Variants in CEP68 observed in about 807,000 individuals in gnomAD.
CEP68 encodes the protein centrosomal protein of 68 kDa.
In CEP68, 26 loss-of-function variants were observed where a neutral mutation model predicts 55.3. That is an observed-to-expected ratio of 0.47 (90% confidence interval 0.34 to 0.65). CEP68 has a LOEUF of 0.65. Ranked by LOEUF, CEP68 falls within the 30% of genes least tolerant of loss-of-function variation. CEP68 has a pLI of 0.01. For synonymous variants in CEP68, 402 were observed against 383.2 expected, an observed-to-expected ratio of 1.05 and a Z score of -0.57; for missense variants, 957 against 946.7, an observed-to-expected ratio of 1.01 and a Z score of -0.14.
intron 1 of CEP68, among the ~76,000 whole-genome samples, chr2:65,068,915 C>T (rs1458002700): frequency 1.3e-5 from 2 of 152,182 alleles, no homozygotes; most frequent in African/African-American, 4.8e-5. Context: ...TCTTCCAGTG[C>T]CCAGCTGAGG....
intron 1 of CEP68, among the ~76,000 whole-genome samples, chr2:65,063,271 G>A (rs1558554969): frequency 6.6e-6 from 1 of 152,210 alleles, no homozygotes; most frequent in Admixed American, 6.5e-5. Context: ...CTTGTCTCTT[G>A]GTTTGACAAA....
Position 65,071,997 on chromosome 2 carries a change from G to T in CEP68, c.901G>T (p.Asp301Tyr), listed in dbSNP as rs775098664. 2.5e-6 allele frequency: 4 copies of T among 1,613,022 alleles called. No homozygotes were observed. The highest frequency in any genetic ancestry group is 1.6e-4 in the Middle Eastern group (1 of 6,062). Residue 301 changes from aspartate to tyrosine, a missense_variant, in exon 3 of 7, where the codon GAT (aspartate) becomes TAT (tyrosine). Physicochemically the swap from Asp to Tyr is radical, Grantham distance 160. Transcript: ENST00000377990. Reference protein sequence around the residue: ...PLWNPNKEYEDLLDYTYPLRP... With the variant: ...PLWNPNKEYEYLLDYTYPLRP... ...CTGGAACCCAAATAAAGAGTATGAA[G>T]ATCTGCTTGACTATACTTACCCACT...
At chr2:65,081,871 AT>A in intron 5 of CEP68, among the ~76,000 whole-genome samples, 1 of 152,190 alleles carries the variant, frequency 6.6e-6, no homozygotes, top group South Asian at 2.1e-4. Context: ...ATTTTTTTAT[AT>A]TTTTAGTAGA....
At chr2:65,081,325 G>A (rs891920758) in intron 5 of CEP68, among the ~76,000 whole-genome samples, 4 of 152,124 alleles carry the variant, frequency 2.6e-5, no homozygotes, top group African/African-American at 7.2e-5. Context: ...CTCTCTTTGT[G>A]GACAGCACTT....
chr2:65,056,706 C>T (rs1675612936), intron 1 of CEP68, among the ~76,000 whole-genome samples, 178 bp downstream of exon 1: 1 of 152,048 alleles, frequency 6.6e-6, no homozygotes, highest in Admixed American at 6.5e-5. Flanking sequence ...GGCACAAAGG[C>T]TCCCTGGGGG....
chr2:65,062,393 G>A (rs1453400156), intron 1 of CEP68, among the ~76,000 whole-genome samples: 2 of 152,084 alleles, frequency 1.3e-5, no homozygotes, highest in African/African-American at 4.8e-5. Flanking sequence ...AATTAGCGGG[G>A]ATGGTGGCAC....
intron 1 of CEP68, among the ~76,000 whole-genome samples, chr2:65,063,235 C>T (rs1040226580): frequency 4.6e-5 from 7 of 152,116 alleles, no homozygotes; most frequent in African/African-American, 1.2e-4. Flanking sequence ...CCAGATGGTC[C>T]CTAGAATATC....
Position 65,072,414 on chromosome 2 carries a change from A to G in CEP68, c.1318A>G (p.Thr440Ala), listed in dbSNP as rs1014021266. The G allele has an allele frequency of 6.2e-7, 1 of 1,614,042 alleles. No homozygotes were observed. Among genetic ancestry groups the G allele is most frequent in the Non-Finnish European group, 8.5e-7 (1 of 1,180,036 alleles). Reference protein sequence around the residue: ...HLDMGSPQLRTRDRGWPSPRP... With the variant: ...HLDMGSPQLRARDRGWPSPRP... ...TGATATGGGCTCTCCCCAGCTAAGG[A>G]CACGGGACAGAGGGTGGCCCTCGCC... Residue 440 changes from threonine (T) to alanine (A), a missense_variant, in exon 3 of 7, where the codon ACA (threonine) becomes GCA (alanine). Transcript: ENST00000377990.
intron 4 of CEP68, among the ~76,000 whole-genome samples, chr2:65,076,821 C>T (rs1183841637): frequency 6.6e-6 from 1 of 151,968 alleles, no homozygotes; most frequent in Non-Finnish European, 1.5e-5. Context: ...TACCTGTAAT[C>T]CCAGTACTTT....
At chr2:65,079,252 T>G (rs943998021) in intron 5 of CEP68, among the ~76,000 whole-genome samples, 2 of 152,184 alleles carry the variant, frequency 1.3e-5, no homozygotes, top group Non-Finnish European at 2.9e-5. Flanking sequence ...ACAGCAGGAT[T>G]TCTCAGCCTT....
At chr2:65,068,494 A>G (rs1676303775) in intron 1 of CEP68, among the ~76,000 whole-genome samples, 1 of 151,934 alleles carries the variant, frequency 6.6e-6, no homozygotes, top group Non-Finnish European at 1.5e-5. Context: ...TCCCTCCATC[A>G]CCACGTGCAG....
intron 3 of CEP68, 142 bp downstream of exon 3, chr2:65,073,122 G>T: frequency 1.1e-6 from 1 of 927,736 alleles, no homozygotes. Flanking sequence ...ATCTTATTCA[G>T]TCCTCACAAC....
At position 65,082,598 on chromosome 2, in the gene CEP68, C is replaced by T. The variant is rs141590287; in HGVS notation, c.2167C>T (p.Arg723Cys). ...TGGTGAGCTGGAGAGCCACGCAGAT[C>T]GCCTGTATGACTCTATCTTGGCCTC... The part of the protein sequence containing the change: ...QSGELESHAD[R>C]LYDSILASLD... The change falls in exon 6 of 7, where the codon CGC becomes TGC. Residue 723 changes from arginine to cysteine, a missense_variant. Arg to Cys is a radical substitution (Grantham distance 180, BLOSUM62 -3). Coordinates refer to ENST00000377990, the MANE Select transcript of CEP68 (RefSeq NM_015147.3). The T allele has an allele frequency of 1.7e-5, 27 of 1,609,100 alleles. No individual in the cohort carries two copies. Among genetic ancestry groups the T allele is most frequent in the African/African-American group, 2.7e-5 (2 of 74,560 alleles).
chr2:65,064,510 A>G (rs1676063044), intron 1 of CEP68, among the ~76,000 whole-genome samples: 1 of 152,088 alleles, frequency 6.6e-6, no homozygotes, highest in Non-Finnish European at 1.5e-5. Flanking sequence ...CGAGGCAGGC[A>G]GATCACGATG....
In CEP68 at chr2:65,085,672, GT is replaced by G. The variant is rs2103811924; in HGVS notation, c.*2039del. 2 of 148,138 alleles carry G rather than the reference GT, an allele frequency of 1.4e-5. No individual in the cohort carries two copies. The highest frequency in any genetic ancestry group is 3.9e-4 in the East Asian group (2 of 5,194). 9.2% of individuals were successfully genotyped at this position (148,138 alleles called of 1,614,324 possible). On this transcript the variant is annotated 3_prime_UTR_variant, in exon 7 of 7. Transcript: ENST00000377990. Reference sequence around the variant, plus strand: ...AAATACAAAAAGAAATTAGCCAGGCGTGGTGATGGGCGCCTGTAGTCCCAGC... The same window carrying G: ...AAATACAAAAAGAAATTAGCCAGGCGGGTGATGGGCGCCTGTAGTCCCAGC...
intron 4 of CEP68, among the ~76,000 whole-genome samples, chr2:65,076,196 G>A (rs538170869): frequency 9.2e-5 from 14 of 152,292 alleles, no homozygotes; most frequent in East Asian, 3.9e-4. Flanking sequence ...GTGCATGCAC[G>A]CAGCTGTGCA....
intron 1 of CEP68, among the ~76,000 whole-genome samples, chr2:65,068,501 G>A (rs1432193640): frequency 6.6e-6 from 1 of 152,178 alleles, no homozygotes; most frequent in Admixed American, 6.5e-5. Flanking sequence ...ATCACCACGT[G>A]CAGCATAACC....
chr2:65,056,729 C>A (rs542965196), intron 1 of CEP68, among the ~76,000 whole-genome samples: 1 of 152,044 alleles, frequency 6.6e-6, no homozygotes, highest in Non-Finnish European at 1.5e-5. Flanking sequence ...GGGGGCGCCT[C>A]GTGCCTTCGC....
intron 5 of CEP68, among the ~76,000 whole-genome samples, chr2:65,080,762 G>T (rs1312949968): frequency 6.6e-6 from 1 of 152,110 alleles, no homozygotes; most frequent in Non-Finnish European, 1.5e-5. Flanking sequence ...AGGTTGCAGT[G>T]AGCCGAGATC....
Sources: gnomAD v4.1 joint callset for allele counts (sites outside exome capture counted in the v4.1 genomes callset) on GRCh38, gnomAD v4.1.1 for gene constraint, MANE v1.5 for transcripts, NCBI Gene and HGNC (gene_info 2026-07-23, HGNC 2026-07-21) for gene names.